CFAP221: variants seen among roughly 807,000 people sequenced by gnomAD.
CFAP221 encodes cilia and flagella associated protein 221.
CFAP221 carries 97 observed loss-of-function variants against 113.1 expected under a neutral mutation model. The observed-to-expected ratio is 0.86, with a 90% CI of 0.73 to 1.02. CFAP221 has a LOEUF of 1.02. Ranked by LOEUF, CFAP221 falls within the 50% of genes least tolerant of loss-of-function variation. CFAP221 has a pLI of 0.00. For synonymous variants in CFAP221, 331 were observed against 354.4 expected, an observed-to-expected ratio of 0.93 and a Z score of 0.74; for missense variants, 1,025 against 1,013.4, an observed-to-expected ratio of 1.01 and a Z score of -0.16.
In CFAP221 at chr2:119,647,034, CTAGAA is replaced by C. The variant is rs2104806661; in HGVS notation, c.2303_2307del (p.Leu768HisfsTer5). ...TGATGCCTTACCAGAAGAGGACAGA[CTAGAA>C]ACAGTAGAACGGTATTTTTTTTTTT... On this transcript the variant is annotated frameshift_variant, in exon 22 of 24. Transcript: ENST00000413369. LOFTEE classifies it high-confidence loss of function. 1.9e-6 allele frequency: 3 copies of C among 1,602,410 alleles called. No homozygotes were observed. The highest frequency in any genetic ancestry group is 2.5e-6 in the Non-Finnish European group (3 of 1,176,592).
intron 22 of CFAP221, among the ~76,000 whole-genome samples, chr2:119,647,955 ACAC>A (rs1049734530): frequency 5.3e-5 from 8 of 151,956 alleles, no homozygotes; most frequent in African/African-American, 1.9e-4. Flanking sequence ...TGTGGGTTCA[ACAC>A]CACCACCACC....
intron 14 of CFAP221, among the ~76,000 whole-genome samples, chr2:119,624,404 G>A (rs1686148539): frequency 6.6e-6 from 1 of 152,154 alleles, no homozygotes; most frequent in Non-Finnish European, 1.5e-5. Context: ...AAATAGGAAA[G>A]CTTTTACACT....
In CFAP221 at chr2:119,639,776, T is replaced by C; in HGVS notation, c.2134-5T>C. The C allele has an allele frequency of 6.2e-7, 1 of 1,613,074 alleles. No individual in the cohort carries two copies. Among genetic ancestry groups the C allele is most frequent in the Non-Finnish European group, 8.5e-7 (1 of 1,179,028 alleles). ...TTGCTTCCCATGTGCTGACTTTCCT[T>C]ACAGGACATTATTCCCGGAATAATG... On this transcript the variant is annotated splice_region_variant and splice_polypyrimidine_tract_variant and intron_variant, in intron 20 of 23. Transcript: ENST00000413369.
In CFAP221 at chr2:119,656,432, C is replaced by A. The variant is rs138666686; in HGVS notation, c.2485C>A (p.Arg829=). 6.2e-7 allele frequency: 1 copy of A among 1,613,828 alleles called. No homozygotes were observed. The highest frequency in any genetic ancestry group is 8.5e-7 in the Non-Finnish European group (1 of 1,179,876). The part of the protein sequence containing the change: ...EKLLEEMRNL[R]GKALNTYLIL... The stretch of plus-strand genomic sequence containing the variant: ...GCTGCTCGAGGAGATGAGGAACCTG[C>A]GGGGCAAAGCACTCAACACATACCT... The change falls in exon 24 of 24, where the codon CGG becomes AGG. Residue 829 remains arginine (R), a synonymous_variant. Coordinates refer to ENST00000413369, the MANE Select transcript of CFAP221 (RefSeq NM_001271049.2).
chr2:119,569,360 C>G (rs1482032963), intron 6 of CFAP221, among the ~76,000 whole-genome samples: 1 of 152,074 alleles, frequency 6.6e-6, no homozygotes, highest in Non-Finnish European at 1.5e-5. Flanking sequence ...CCTTGTGATC[C>G]ACCCACCTCG....
chr2:119,574,600 A>AT (rs1165551581), intron 6 of CFAP221, among the ~76,000 whole-genome samples: 2 of 152,142 alleles, frequency 1.3e-5, no homozygotes, highest in Non-Finnish European at 2.9e-5. Context: ...TGCCTGATTA[A>AT]TACAGCTGTC....
intron 19 of CFAP221, among the ~76,000 whole-genome samples, chr2:119,632,777 G>A (rs773149668): frequency 1.1e-3 from 163 of 150,186 alleles, no homozygotes; most frequent in Admixed American, 3.9e-3. Context: ...AATTAATAAG[G>A]GAATTTAACA....
intron 21 of CFAP221, among the ~76,000 whole-genome samples, chr2:119,641,664 C>T (rs537983516): frequency 1.3e-5 from 2 of 152,318 alleles, no homozygotes; most frequent in African/African-American, 4.8e-5. Context: ...AAGCATCTAG[C>T]ATCATGCCTG....
At chr2:119,547,071 G>T (rs1217190535) in intron 2 of CFAP221, among the ~76,000 whole-genome samples, 1 of 152,140 alleles carries the variant, frequency 6.6e-6, no homozygotes, top group Non-Finnish European at 1.5e-5. Context: ...TAACATGCTT[G>T]GTTACCCACC....
At chr2:119,572,638 C>T (rs771896007) in intron 6 of CFAP221, 64 of 688,462 alleles carry the variant, frequency 9.3e-5, no homozygotes, top group Non-Finnish European at 1.5e-4. Context: ...ATTTTCCTTG[C>T]ACCAAGATGA....
In CFAP221 at chr2:119,625,593, A is replaced by G. The variant is rs1355087632; in HGVS notation, c.1421A>G (p.Gln474Arg). ...CCACTCCAATTTCAGGTCATGATTC[A>G]GGGACGATTATTCAATATGCTGAGT... ...FQQVARKVMI[Q>R]GRLFNMLSAV... Residue 474 changes from glutamine (Q) to arginine (R), a missense_variant, in exon 15 of 24, where the codon CAG becomes CGG. By Grantham distance (43) the Gln-to-Arg change is conservative (BLOSUM62 1). Coordinates refer to ENST00000413369, the MANE Select transcript of CFAP221 (RefSeq NM_001271049.2). 8 of 1,611,922 alleles carry G rather than the reference A, an allele frequency of 5.0e-6. No homozygotes were observed. The South Asian group carries it at 8.8e-5, about 18-fold the overall frequency.
At position 119,655,765 on chromosome 2, in the gene CFAP221, C is replaced by T. The variant is rs73948919; in HGVS notation, c.2415-597C>T. 1.6e-3 allele frequency among the ~76,000 whole-genome samples: 250 copies of T among 152,164 alleles called. 1 individual carries two copies. Among genetic ancestry groups the T allele is most frequent in the African/African-American group, 5.4e-3 (224 of 41,510 alleles). ...GAAGCCCAGGTCCTCCCCATCTCTC[C>T]GCCCTTTGTCTACTCCCACTGCACC... On this transcript the variant is annotated intron_variant, in intron 23 of 23. Transcript: ENST00000413369.
At chr2:119,623,347 C>T (rs1686071513) in intron 14 of CFAP221, among the ~76,000 whole-genome samples, 2 of 152,290 alleles carry the variant, frequency 1.3e-5, no homozygotes, top group South Asian at 4.1e-4. Flanking sequence ...CTACAAACCA[C>T]TGCTCAAGGA....
At chr2:119,586,120 G>C (rs1044793440) in intron 6 of CFAP221, among the ~76,000 whole-genome samples, 7 of 152,184 alleles carry the variant, frequency 4.6e-5, no homozygotes, top group Non-Finnish European at 1.0e-4. Flanking sequence ...TGAGGGCTCA[G>C]AAGGTATGGG....
intron 19 of CFAP221, among the ~76,000 whole-genome samples, chr2:119,632,449 A>G (rs927318254): frequency 6.6e-6 from 1 of 152,166 alleles, no homozygotes; most frequent in Non-Finnish European, 1.5e-5. Context: ...TTCCTGATGA[A>G]CACTATCAGC....
chr2:119,611,601 T>C (rs1685170293), intron 12 of CFAP221, 52 bp from the exon 13 acceptor site: 29 of 1,493,494 alleles, frequency 1.9e-5, no homozygotes, highest in Non-Finnish European at 2.7e-5. Context: ...AAAGACAAAT[T>C]GTTTTACGCA....
In CFAP221 at chr2:119,611,600, T is replaced by C. The variant is rs1685170120; in HGVS notation, c.1222-53T>C. 2.0e-6 allele frequency: 3 copies of C among 1,492,192 alleles called. No homozygotes were observed. The Admixed American group carries it at 5.8e-5, about 29-fold the overall frequency. 92.4% of individuals were successfully genotyped at this position (1,492,192 alleles called of 1,614,324 possible). On this transcript the variant is annotated intron_variant, in intron 12 of 23. Coordinates refer to ENST00000413369, the MANE Select transcript of CFAP221 (RefSeq NM_001271049.2). ...GGTTTCTACAAGTTTTAAAGACAAA[T>C]TGTTTTACGCATTTATATTCAACTT...
chr2:119,599,948 G>A (rs1396250833), intron 7 of CFAP221, among the ~76,000 whole-genome samples: 1 of 152,080 alleles, frequency 6.6e-6, no homozygotes, highest in African/African-American at 2.4e-5. Context: ...GTGGTTGGGC[G>A]CAGGGAGAAG....
chr2:119,577,154 G>A (rs1682504820), intron 6 of CFAP221, among the ~76,000 whole-genome samples: 1 of 152,148 alleles, frequency 6.6e-6, no homozygotes, highest in African/African-American at 2.4e-5. Context: ...GCTCTGGTGG[G>A]GGCCCTCTAC....
Sources: allele counts gnomAD v4.1 joint callset (sites outside exome capture counted in the v4.1 genomes callset), GRCh38; gene constraint gnomAD v4.1.1; transcripts MANE v1.5; gene names NCBI Gene and HGNC (gene_info 2026-07-23, HGNC 2026-07-21).